Variants in ATM observed in about 807,000 individuals in gnomAD.
ATM encodes serine-protein kinase ATM.
A neutral mutation model predicts 387.0 loss-of-function variants in ATM; 308 were observed. That is an observed-to-expected ratio of 0.80 (90% CI 0.73 to 0.87). ATM has a LOEUF of 0.87. Ranked by LOEUF, ATM falls within the 40% of genes least tolerant of loss-of-function variation. The pLI, the probability that ATM is intolerant of heterozygous loss-of-function variation, is 0.00. For synonymous variants in ATM, 1,156 were observed against 1,187.3 expected (o/e 0.97, Z 0.54); for missense variants, 3,312 against 3,560.9 (o/e 0.93, Z 1.78).
chr11:108,327,071 A>G (rs1591138288), intron 47 of ATM, among the ~76,000 whole-genome samples: 2 of 151,698 alleles, frequency 1.3e-5, no homozygotes, highest in Middle Eastern at 6.8e-3. Flanking sequence ...CAGGCAATCT[A>G]CCCGCCTTGT....
At chr11:108,318,425 T>C (rs1235727440) in intron 43 of ATM, among the ~76,000 whole-genome samples, 1 of 151,804 alleles carries the variant, frequency 6.6e-6, no homozygotes, top group East Asian at 1.9e-4. Flanking sequence ...GTGTGGTGGC[T>C]CACACCTGTA....
intron 26 of ATM, among the ~76,000 whole-genome samples, chr11:108,284,914 A>T (rs987546215): frequency 2.6e-5 from 4 of 151,928 alleles, no homozygotes; most frequent in African/African-American, 9.7e-5. Flanking sequence ...TTTTTTTGTG[A>T]CACTTATTAC....
chr11:108,335,471 A>G (rs1200872789), intron 55 of ATM, among the ~76,000 whole-genome samples: 4 of 152,150 alleles, frequency 2.6e-5, no homozygotes, highest in South Asian at 2.1e-4. Flanking sequence ...GTACTGTGCC[A>G]AGTGCTATTT....
chr11:108,226,325 C>G (rs2078735226), intron 1 of ATM: 1 of 152,130 alleles, frequency 6.6e-6, no homozygotes, highest in Admixed American at 6.6e-5. Flanking sequence ...AGTCCCCAGT[C>G]TCTGTTCTTC....
intron 9 of ATM, among the ~76,000 whole-genome samples, chr11:108,249,598 AC>A (rs1466254177): frequency 2.6e-5 from 4 of 152,236 alleles, no homozygotes; most frequent in Non-Finnish European, 5.9e-5. Context: ...AATTATGGAT[AC>A]TTTGGAATCC....
intron 61 of ATM, among the ~76,000 whole-genome samples, chr11:108,356,600 A>G (rs964161708): frequency 6.6e-6 from 1 of 151,792 alleles, no homozygotes; most frequent in Admixed American, 6.6e-5. Context: ...GCAGCTTAAC[A>G]TATTCTTTAG....
At chr11:108,291,837 T>C (rs1249039126) in intron 29 of ATM, among the ~76,000 whole-genome samples, 2 of 152,218 alleles carry the variant, frequency 1.3e-5, no homozygotes, top group Admixed American at 1.3e-4. Context: ...GCTTAGGGTC[T>C]TCTCTGGTCT....
chr11:108,316,213 A>G (rs1214807497), intron 42 of ATM, 100 bp downstream of exon 42: 7 of 1,103,444 alleles, frequency 6.3e-6, no homozygotes, highest in African/African-American at 3.1e-5. Context: ...AACTCTAGAG[A>G]TAAGACTAGA....
At chr11:108,229,044 T>C in intron 3 of ATM, 134 bp from the exon 4 acceptor site, 1 of 837,510 alleles carries the variant, frequency 1.2e-6, no homozygotes, top group Non-Finnish European at 1.9e-6. Context: ...GTTTTATTTG[T>C]TTTTTTCAGC....
At chr11:108,306,829 T>C (rs542792465) in intron 37 of ATM, among the ~76,000 whole-genome samples, 1 of 152,336 alleles carries the variant, frequency 6.6e-6, no homozygotes, top group South Asian at 2.1e-4. Flanking sequence ...CAGCCTACTT[T>C]TTTAAATGTG....
chr11:108,248,254 C>T (rs533245695), intron 8 of ATM, among the ~76,000 whole-genome samples: 9 of 152,220 alleles, frequency 5.9e-5, no homozygotes, highest in African/African-American at 2.2e-4. Context: ...TGGTTAACAT[C>T]CTGAGTAGTA....
intron 42 of ATM, among the ~76,000 whole-genome samples, chr11:108,316,811 A>C (rs1417693646): frequency 1.3e-5 from 2 of 150,274 alleles, no homozygotes; most frequent in Non-Finnish European, 3.0e-5. Flanking sequence ...CTGTAGGCCC[A>C]GCTACTTGGG....
At chr11:108,283,506 A>G (rs1391909950) in intron 25 of ATM, among the ~76,000 whole-genome samples, 1 of 152,216 alleles carries the variant, frequency 6.6e-6, no homozygotes, top group Admixed American at 6.5e-5. Flanking sequence ...CATGTAGTGT[A>G]TCACAGATCT....
chr11:108,269,000 C>A (rs999887229), intron 18 of ATM, among the ~76,000 whole-genome samples: 2 of 152,146 alleles, frequency 1.3e-5, no homozygotes, highest in African/African-American at 4.8e-5. Context: ...AGTGAAGTTA[C>A]AAGAATACTA....
At chr11:108,349,496 C>G (rs1234508267) in intron 59 of ATM, among the ~76,000 whole-genome samples, 3 of 152,136 alleles carry the variant, frequency 2.0e-5, no homozygotes, top group African/African-American at 2.4e-5. Context: ...AACCCCATCT[C>G]TACTAAAATA....
rs774276048 is a variant in ATM at position 108,332,917 on chromosome 11, G to A, written c.7927+17G>A. ...CTCAGAGAAGTATGTTTTTTTTAAAGAAGAAACGTTACTTTCTTGCTGTGT... is the reference window on the plus strand; with the variant it reads ...CTCAGAGAAGTATGTTTTTTTTAAAAAAGAAACGTTACTTTCTTGCTGTGT... On this transcript the variant is annotated intron_variant, in intron 53 of 62. Coordinates refer to ENST00000675843, the MANE Select transcript of ATM (RefSeq NM_000051.4). 16 of 1,607,840 alleles carry A rather than the reference G, an allele frequency of 1.0e-5. No homozygotes were observed. Among genetic ancestry groups the A allele is most frequent in the Non-Finnish European group, 1.4e-5 (16 of 1,177,656 alleles).
At chr11:108,322,342 C>T (rs1447430610) in intron 45 of ATM, among the ~76,000 whole-genome samples, 8 of 152,050 alleles carry the variant, frequency 5.3e-5, no homozygotes, top group Non-Finnish European at 7.4e-5. Flanking sequence ...TTAATAGAGA[C>T]GGGGTTTCGC....
intron 61 of ATM, among the ~76,000 whole-genome samples, chr11:108,359,507 C>G (rs2090451040): frequency 6.6e-6 from 1 of 151,966 alleles, no homozygotes; most frequent in Non-Finnish European, 1.5e-5. Flanking sequence ...TTTTCAGCAC[C>G]ACACCACACC....
At chr11:108,325,289 A>C (rs2085544300) in intron 45 of ATM, 21 bp from the exon 46 acceptor site, 4 of 1,337,986 alleles carry the variant, frequency 3.0e-6, no homozygotes, top group Non-Finnish European at 4.2e-6. Context: ...GCTTACATGA[A>C]CTCTATGTCG....
Sources: gnomAD v4.1 joint callset for allele counts (sites outside exome capture counted in the v4.1 genomes callset) on GRCh38, gnomAD v4.1.1 for gene constraint, MANE v1.5 for transcripts, NCBI Gene and HGNC (gene_info 2026-07-23, HGNC 2026-07-21) for gene names.